ITGB1: variants seen among roughly 807,000 people sequenced by gnomAD.
ITGB1 encodes the protein integrin beta-1.
ITGB1 carries 24 observed loss-of-function variants against 86.5 expected under a neutral mutation model. The observed-to-expected ratio is 0.28, with a 90% CI of 0.20 to 0.39. The LOEUF (loss-of-function observed/expected upper bound fraction) is 0.39. ITGB1 is among the 10% of genes least tolerant of loss of function. ITGB1 has a pLI of 1.00. For missense variants in ITGB1, 556 were observed against 946.9 expected, an observed-to-expected ratio of 0.59 and a Z score of 5.42; for synonymous variants, 323 against 316.8, an observed-to-expected ratio of 1.02 and a Z score of -0.21.
At chr10:32,918,126 T>C (rs994441302) in intron 11 of ITGB1, among the ~76,000 whole-genome samples, 16 of 152,130 alleles carry the variant, frequency 1.1e-4, no homozygotes, top group Non-Finnish European at 1.9e-4. Flanking sequence ...TTCTCACTCA[T>C]AGGTGGGAAC....
rs561937154 is a variant in ITGB1, at chr10:32,938,990, G to A, written c.1-3432C>T. Among the ~76,000 whole-genome samples the A allele has an allele frequency of 2.1e-4, 32 of 152,272 alleles. No homozygotes were observed. The South Asian group carries it at 2.5e-3, about 12-fold the overall frequency. On this transcript the variant is annotated intron_variant, in intron 1 of 15. Coordinates refer to ENST00000302278, the MANE Select transcript of ITGB1 (RefSeq NM_002211.4). ...TGGCCTTCCCTTCTACCGGTACTGG[G>A]TGCCCCCTGCACATGCGCATGGAAG...
At chr10:32,949,142 GATA>G (rs1372353754) in intron 1 of ITGB1, among the ~76,000 whole-genome samples, 5 of 152,106 alleles carry the variant, frequency 3.3e-5, no homozygotes, top group Admixed American at 6.5e-5. Context: ...AAATGGATAT[GATA>G]ATAATAATGA....
Position 32,910,473 on chromosome 10 carries a change from A to T in ITGB1, c.1932-18T>A. ...CACATTCTCTGTTACAAAAAACACA[A>T]ATTATGATATTTACATTTTATTATT... On this transcript the variant is annotated intron_variant, in intron 13 of 15. Transcript: ENST00000302278. 1 of 1,469,752 alleles carries T rather than the reference A, an allele frequency of 6.8e-7. No individual in the cohort carries two copies. The highest frequency in any genetic ancestry group is 9.4e-7 in the Non-Finnish European group (1 of 1,064,194). 91.0% of individuals were successfully genotyped at this position (1,469,752 alleles called of 1,614,324 possible). A position where few individuals can be genotyped will look rare whatever the true frequency, so the allele number is the denominator to read the frequency against.
intron 1 of ITGB1, among the ~76,000 whole-genome samples, chr10:32,938,040 G>A (rs1225859368): frequency 6.6e-6 from 1 of 152,208 alleles, no homozygotes; most frequent in Admixed American, 6.5e-5. Context: ...GCTCAGCCCA[G>A]CAGGCTGTTA....
chr10:32,947,439 G>GTGTGTGTGTGTGTGTGTGTGTGTGTGTT (rs2095033915), intron 1 of ITGB1, among the ~76,000 whole-genome samples: 2 of 150,138 alleles, frequency 1.3e-5, no homozygotes, highest in South Asian at 4.3e-4. Context: ...AGCCGTGTGT[G>GTGTGTGTGTGTGTGTGTGTGTGTGTGTT]TGTGTGTGTG....
intron 1 of ITGB1, among the ~76,000 whole-genome samples, chr10:32,940,161 T>C (rs1206000836): frequency 1.3e-5 from 2 of 152,036 alleles, no homozygotes; most frequent in East Asian, 1.9e-4. Flanking sequence ...CTGGCCAACA[T>C]GGTGAAACCC....
chr10:32,947,043 A>G (rs2095032948), intron 1 of ITGB1, among the ~76,000 whole-genome samples: 1 of 152,006 alleles, frequency 6.6e-6, no homozygotes, highest in Non-Finnish European at 1.5e-5. Flanking sequence ...GGGTTTTGCT[A>G]TGTTGGCCAG....
Position 32,916,264 on chromosome 10 carries a change from C to T in ITGB1, c.1469+3621G>A, listed in dbSNP as rs563790260. 5.3e-5 allele frequency among the ~76,000 whole-genome samples: 8 copies of T among 152,228 alleles called. No individual in the cohort carries two copies. In the East Asian group the frequency reaches 1.5e-3, roughly 29 times the overall value. On this transcript the variant is annotated intron_variant, in intron 11 of 15. Coordinates refer to ENST00000302278, the MANE Select transcript of ITGB1 (RefSeq NM_002211.4). ...GAAAACTGGCACAAGACAGGGATGC[C>T]CTCTCTCACCACTCCTATTCAACAC...
intron 15 of ITGB1, 32 bp downstream of exon 15, chr10:32,908,336 C>T: frequency 6.2e-7 from 1 of 1,603,380 alleles, no homozygotes; most frequent in Non-Finnish European, 8.5e-7. Context: ...ACTTTATAAG[C>T]CACTTTGCTT....
At chr10:32,908,700 A>G (rs1259329768) in intron 14 of ITGB1, among the ~76,000 whole-genome samples, 166 bp from the exon 15 acceptor site, 2 of 152,224 alleles carry the variant, frequency 1.3e-5, no homozygotes, top group Non-Finnish European at 2.9e-5. Flanking sequence ...AGGATACATG[A>G]TCAATGAACA....
chr10:32,942,904 G>T (rs755465399), intron 1 of ITGB1, among the ~76,000 whole-genome samples: 1 of 152,026 alleles, frequency 6.6e-6, no homozygotes, highest in Non-Finnish European at 1.5e-5. Flanking sequence ...AGCAAAACTT[G>T]GTGGAAGTGG....
At chr10:32,901,714 A>G (rs1246700134) in intron 15 of ITGB1, 79 bp from the exon 16 acceptor site, 8 of 922,206 alleles carry the variant, frequency 8.7e-6, no homozygotes, top group Non-Finnish European at 1.4e-5. Flanking sequence ...AATCAAGACT[A>G]AAAGTTGCAA....
At chr10:32,922,832 C>T (rs906540400) in intron 7 of ITGB1, 97 bp from the exon 8 acceptor site, 14 of 641,134 alleles carry the variant, frequency 2.2e-5, no homozygotes, top group South Asian at 4.8e-5. Context: ...ACACATAACT[C>T]GATTACAAGA....
intron 11 of ITGB1, among the ~76,000 whole-genome samples, chr10:32,913,204 A>T (rs2094919285): frequency 6.6e-6 from 1 of 152,216 alleles, no homozygotes; most frequent in Non-Finnish European, 1.5e-5. Context: ...AACCACAAAG[A>T]TGGGGAGAAA....
intron 15 of ITGB1, among the ~76,000 whole-genome samples, chr10:32,905,320 T>C (rs770837248): frequency 2.0e-5 from 3 of 152,236 alleles, no homozygotes; most frequent in Non-Finnish European, 4.4e-5. Flanking sequence ...AACATTCCTG[T>C]ACTGTAGGCT....
intron 15 of ITGB1, among the ~76,000 whole-genome samples, chr10:32,901,992 CG>C (rs1024320615): frequency 2.0e-5 from 3 of 152,184 alleles, no homozygotes; most frequent in African/African-American, 7.2e-5. Context: ...GCATGAACTC[CG>C]CTGCCATCAC....
chr10:32,906,873 T>C (rs968861021), intron 15 of ITGB1, among the ~76,000 whole-genome samples: 6 of 152,252 alleles, frequency 3.9e-5, no homozygotes, highest in Non-Finnish European at 4.4e-5. Flanking sequence ...ACATGGCTGC[T>C]GTTTCTATAT....
At chr10:32,916,562 G>A (rs942585131) in intron 11 of ITGB1, among the ~76,000 whole-genome samples, 1 of 152,116 alleles carries the variant, frequency 6.6e-6, no homozygotes, top group Non-Finnish European at 1.5e-5. Context: ...CAAACAGAGA[G>A]CCAAATTATG....
rs542282590 is a variant in ITGB1, at chr10:32,926,355, T to C, written c.548-246A>G. 2.6e-5 allele frequency among the ~76,000 whole-genome samples: 4 copies of C among 152,292 alleles called. No homozygotes were observed. The East Asian group carries it at 7.7e-4, about 29-fold the overall frequency. ...CCTCATGAATGGGATTAGTAACTGA[T>C]ACAGTTTGGGTATCTGTCCCCGCCC... On this transcript the variant is annotated intron_variant, in intron 5 of 15. Transcript: ENST00000302278.
Sources: gnomAD v4.1 joint callset for allele counts (sites outside exome capture counted in the v4.1 genomes callset) on GRCh38, gnomAD v4.1.1 for gene constraint, MANE v1.5 for transcripts, NCBI Gene and HGNC (gene_info 2026-07-23, HGNC 2026-07-21) for gene names.